SHISA9: variants seen among roughly 807,000 people sequenced by gnomAD.
SHISA9 encodes the protein protein shisa-9.
A neutral mutation model predicts 38.0 loss-of-function variants in SHISA9; 13 were observed. The observed-to-expected ratio is 0.34, with a 90% CI of 0.22 to 0.54. The LOEUF (loss-of-function observed/expected upper bound fraction) is 0.54. Ranked by LOEUF, SHISA9 falls within the 20% of genes least tolerant of loss-of-function variation. The pLI is 0.91. For synonymous variants in SHISA9, 275 were observed against 242.0 expected (o/e 1.14, Z -1.27); for missense variants, 538 against 575.8 (o/e 0.93, Z 0.67).
the SHISA9 span, among the ~76,000 whole-genome samples, chr16:13,245,433 T>C: frequency 2.0e-5 from 3 of 152,188 alleles, no homozygotes; most frequent in Non-Finnish European, 2.9e-5. Context: ...TTTTTTAAAA[T>C]AGGGATAACA....
intron 2 of SHISA9, among the ~76,000 whole-genome samples, chr16:13,173,158 C>T (rs989104512): frequency 1.7e-5 from 2 of 114,474 alleles, no homozygotes; most frequent in Middle Eastern, 5.5e-3. Context: ...CGTGCGCACA[C>T]ACACACACAC....
the SHISA9 span, among the ~76,000 whole-genome samples, chr16:13,318,483 C>A: frequency 6.6e-6 from 1 of 152,168 alleles, no homozygotes; most frequent in African/African-American, 2.4e-5. Context: ...TGTGCCACCC[C>A]TCCCATCTAA....
chr16:13,436,540 C>T, the SHISA9 span, among the ~76,000 whole-genome samples: 365 of 152,328 alleles, frequency 2.4e-3, 3 homozygotes, highest in African/African-American at 8.5e-3. Context: ...AATAGTCAAT[C>T]AGCAGCTCTC....
At chr16:13,138,195 A>T (rs558385797) in intron 2 of SHISA9, among the ~76,000 whole-genome samples, 134 of 152,340 alleles carry the variant, frequency 8.8e-4, no homozygotes, top group African/African-American at 2.8e-3. Flanking sequence ...CAGCAGCAGC[A>T]TCTGAGAGCC....
At chr16:13,216,514 T>C (rs777775403) in intron 4 of SHISA9, among the ~76,000 whole-genome samples, 16 of 152,200 alleles carry the variant, frequency 1.1e-4, no homozygotes, top group Non-Finnish European at 1.6e-4. Context: ...TAAAAACTGG[T>C]GAACTCTTTT....
At chr16:13,234,967 T>TCC in intron 4 of SHISA9, 63 bp from the exon 5 acceptor site, 1 of 1,469,782 alleles carries the variant, frequency 6.8e-7, no homozygotes, top group South Asian at 1.4e-5. Context: ...ACTCTCTCTC[T>TCC]CTCTCTCTCT....
chr16:13,122,082 A>C (rs2050216939), intron 2 of SHISA9, among the ~76,000 whole-genome samples: 1 of 152,226 alleles, frequency 6.6e-6, no homozygotes, highest in Admixed American at 6.5e-5. Context: ...CCATTGCAGG[A>C]GTCCATTGAG....
chr16:12,923,644 T>C (rs939771522), intron 2 of SHISA9, among the ~76,000 whole-genome samples: 2 of 152,064 alleles, frequency 1.3e-5, no homozygotes, highest in African/African-American at 2.4e-5. Flanking sequence ...TCCATGTTTG[T>C]GCCTATTTGA....
chr16:12,994,554 T>A (rs747778346), intron 2 of SHISA9, among the ~76,000 whole-genome samples: 1 of 152,132 alleles, frequency 6.6e-6, no homozygotes, highest in Non-Finnish European at 1.5e-5. Context: ...TGGTGGTGGG[T>A]GGTTCTTCAG....
chr16:13,062,399 C>T (rs1219680695), intron 2 of SHISA9, among the ~76,000 whole-genome samples: 1 of 152,146 alleles, frequency 6.6e-6, no homozygotes, highest in Non-Finnish European at 1.5e-5. Flanking sequence ...AGGACTGCAT[C>T]TAGGTACAGT....
At chr16:13,330,943 TA>T in the SHISA9 span, among the ~76,000 whole-genome samples, 1 of 152,154 alleles carries the variant, frequency 6.6e-6, no homozygotes, top group African/African-American at 2.4e-5. Context: ...CTCATCCCTC[TA>T]AAAGTCTTAA....
intron 2 of SHISA9, among the ~76,000 whole-genome samples, chr16:13,073,772 C>T (rs954483924): frequency 6.6e-6 from 1 of 152,006 alleles, no homozygotes; most frequent in Non-Finnish European, 1.5e-5. Context: ...ACAGAGAAGG[C>T]CATGTGAATG....
chr16:13,530,635 C>G, the SHISA9 span, among the ~76,000 whole-genome samples: 1 of 151,950 alleles, frequency 6.6e-6, no homozygotes, highest in Non-Finnish European at 1.5e-5. Flanking sequence ...TGTGACAACA[C>G]CACCTACCTA....
At chr16:13,055,616 A>G (rs956845343) in intron 2 of SHISA9, among the ~76,000 whole-genome samples, 8 of 152,264 alleles carry the variant, frequency 5.3e-5, no homozygotes, top group Non-Finnish European at 1.2e-4. Context: ...ACGAGCCAGC[A>G]TCCCACTCTG....
chr16:13,124,033 T>A (rs374646825), intron 2 of SHISA9, among the ~76,000 whole-genome samples: 3 of 152,210 alleles, frequency 2.0e-5, no homozygotes, highest in South Asian at 2.1e-4. Context: ...ATACTCCCCC[T>A]GTGAGGAAAG....
At chr16:12,955,737 A>G (rs919532539) in intron 2 of SHISA9, among the ~76,000 whole-genome samples, 5 of 152,068 alleles carry the variant, frequency 3.3e-5, no homozygotes, top group Non-Finnish European at 7.4e-5. Flanking sequence ...CTAAACTCTC[A>G]CCATATGCAA....
At chr16:13,460,298 G>T in the SHISA9 span, among the ~76,000 whole-genome samples, 12 of 152,030 alleles carry the variant, frequency 7.9e-5, no homozygotes, top group Non-Finnish European at 1.6e-4. Context: ...GAGAAGAATG[G>T]TATCATCAGG....
chr16:13,055,026 GC>G (rs1567196825), intron 2 of SHISA9, among the ~76,000 whole-genome samples: 1 of 152,084 alleles, frequency 6.6e-6, no homozygotes, highest in African/African-American at 2.4e-5. Context: ...ATCACAAGCT[GC>G]CCCAAGTTTA....
chr16:12,997,520 C>T (rs1027512944), intron 2 of SHISA9, among the ~76,000 whole-genome samples: 24 of 151,588 alleles, frequency 1.6e-4, no homozygotes, highest in African/African-American at 5.3e-4. Context: ...AATTCTCCCA[C>T]CTTAGCCTCG....
Sources: allele counts gnomAD v4.1 joint callset (sites outside exome capture counted in the v4.1 genomes callset), GRCh38; gene constraint gnomAD v4.1.1; transcripts MANE v1.5; gene names NCBI Gene and HGNC (gene_info 2026-07-23, HGNC 2026-07-21).